CSMD1: variants seen among roughly 807,000 people sequenced by gnomAD.
CSMD1 encodes the protein CUB and sushi domain-containing protein 1.
CSMD1 carries 213 observed loss-of-function variants against 417.5 expected under a neutral mutation model. That is an observed-to-expected ratio of 0.51 (90% CI 0.46 to 0.57). CSMD1 has a LOEUF of 0.57. Among genes scored for constraint, CSMD1 ranks in the 20% least tolerant of loss-of-function variants. The probability of loss-of-function intolerance (pLI) is 0.00; values close to 1 mark genes in which losing one functional copy is unlikely to be tolerated. For synonymous variants in CSMD1, 2,862 were observed against 1,736.8 expected (o/e 1.65, Z -16.11); for missense variants, 6,923 against 4,529.7 (o/e 1.53, Z -15.17).
intron 5 of CSMD1, among the ~76,000 whole-genome samples, chr8:3,833,125 T>C (rs1445316185): frequency 1.3e-5 from 2 of 152,280 alleles, no homozygotes; most frequent in Admixed American, 1.3e-4. Context: ...ACAGGGAGCA[T>C]GTCAAACGAT....
chr8:4,340,333 G>C (rs765288808), intron 3 of CSMD1, among the ~76,000 whole-genome samples: 93 of 152,108 alleles, frequency 6.1e-4, no homozygotes, highest in Non-Finnish European at 1.1e-3. Context: ...CATTGGCTGG[G>C]ATGAGGTTTG....
intron 1 of CSMD1, among the ~76,000 whole-genome samples, chr8:4,901,599 C>A (rs755802274): frequency 6.6e-6 from 1 of 152,166 alleles, no homozygotes; most frequent in Non-Finnish European, 1.5e-5. Flanking sequence ...CCGGACACTT[C>A]TATTAGCCTT....
chr8:3,989,569 C>G (rs971887717), intron 5 of CSMD1, among the ~76,000 whole-genome samples: 1 of 152,112 alleles, frequency 6.6e-6, no homozygotes, highest in Admixed American at 6.5e-5. Context: ...TTTCCCCAAA[C>G]AAGAAAGGGA....
chr8:3,609,746 A>G (rs1157447033), intron 8 of CSMD1, among the ~76,000 whole-genome samples: 1 of 151,682 alleles, frequency 6.6e-6, no homozygotes, highest in Non-Finnish European at 1.5e-5. Flanking sequence ...TTTAAAAAAA[A>G]AAAAACCGAA....
intron 3 of CSMD1, among the ~76,000 whole-genome samples, chr8:4,219,220 C>T (rs1256974135): frequency 1.3e-5 from 2 of 152,130 alleles, no homozygotes; most frequent in South Asian, 4.1e-4. Context: ...ATTTTTTCAC[C>T]CTCTTTTACC....
intron 21 of CSMD1, among the ~76,000 whole-genome samples, chr8:3,349,931 T>C (rs1002634063): frequency 1.4e-5 from 2 of 144,886 alleles, no homozygotes; most frequent in African/African-American, 5.0e-5. Context: ...TTATATTATA[T>C]ATAATATATA....
intron 5 of CSMD1, among the ~76,000 whole-genome samples, chr8:3,929,846 G>C (rs1323141492): frequency 6.7e-6 from 1 of 149,574 alleles, no homozygotes; most frequent in Non-Finnish European, 1.5e-5. Flanking sequence ...GTTTTTAGTA[G>C]AGACGCGGTT....
intron 1 of CSMD1, among the ~76,000 whole-genome samples, chr8:4,744,850 A>G (rs2117021644): frequency 6.6e-6 from 1 of 152,322 alleles, no homozygotes. Flanking sequence ...TTTCTAATTT[A>G]GTAGTCTCAG....
chr8:3,194,245 AAAG>A (rs2129052158), intron 33 of CSMD1, among the ~76,000 whole-genome samples: 1 of 152,238 alleles, frequency 6.6e-6, no homozygotes, highest in South Asian at 2.1e-4. Context: ...TGCCCTCTAA[AAAG>A]AAGAAGAAAC....
intron 6 of CSMD1, among the ~76,000 whole-genome samples, chr8:3,711,989 C>A (rs926755608): frequency 6.6e-6 from 1 of 152,194 alleles, no homozygotes; most frequent in African/African-American, 2.4e-5. Flanking sequence ...CAGGACCTAT[C>A]TGAAAGCTGG....
intron 3 of CSMD1, among the ~76,000 whole-genome samples, chr8:4,286,285 C>G (rs1218989009): frequency 6.6e-6 from 1 of 152,104 alleles, no homozygotes; most frequent in Non-Finnish European, 1.5e-5. Context: ...CTACTTAGTG[C>G]TATCTGTCCT....
intron 23 of CSMD1, among the ~76,000 whole-genome samples, chr8:3,325,607 T>C (rs1430504067): frequency 6.6e-6 from 1 of 152,206 alleles, no homozygotes; most frequent in Non-Finnish European, 1.5e-5. Flanking sequence ...GCAAATGGCC[T>C]GAGGTCAGGA....
rs116863255 is a variant in CSMD1, at chr8:3,902,385, T to C, written c.818+95518A>G. Among the ~76,000 whole-genome samples the C allele has an allele frequency of 1.2e-4, 19 of 152,248 alleles. No homozygotes were observed. The East Asian group carries it at 2.3e-3, about 19-fold the overall frequency. ...ACAAAAACATGTGATCTGAGGCAAA[T>C]TGTTGGATCTTCCTAAGGCAGCAGT... On this transcript the variant is annotated intron_variant, in intron 5 of 69. Transcript: ENST00000635120.
chr8:3,003,783 G>C (rs1044863981), intron 52 of CSMD1, among the ~76,000 whole-genome samples: 3 of 152,166 alleles, frequency 2.0e-5, no homozygotes, highest in Non-Finnish European at 4.4e-5. Flanking sequence ...TGGTGAAAGA[G>C]GTGGCATTTA....
Position 4,107,441 on chromosome 8 carries a change from G to A in CSMD1, c.416-75342C>T, listed in dbSNP as rs554197606. ...TCTTGATACACATCACATTGGTACG[G>A]ATTTGTTTAAAGCACTGGATAATGA... On this transcript the variant is annotated intron_variant, in intron 3 of 69. Transcript: ENST00000635120. Among the ~76,000 whole-genome samples the A allele has an allele frequency of 4.6e-5, 7 of 152,312 alleles. No homozygotes were observed. The East Asian group carries it at 7.7e-4, about 17-fold the overall frequency.
intron 1 of CSMD1, among the ~76,000 whole-genome samples, chr8:4,724,331 T>C (rs905760117): frequency 2.0e-5 from 3 of 152,250 alleles, no homozygotes; most frequent in Non-Finnish European, 2.9e-5. Context: ...ACTGATTATA[T>C]GAAGAGCTAA....
chr8:4,553,659 T>C (rs923526157), intron 2 of CSMD1, among the ~76,000 whole-genome samples: 8 of 152,206 alleles, frequency 5.3e-5, no homozygotes, highest in Admixed American at 4.6e-4. Context: ...AGTGAGATCA[T>C]AACTATCTTC....
chr8:4,163,838 T>C (rs1292185781), intron 3 of CSMD1, among the ~76,000 whole-genome samples: 2 of 152,182 alleles, frequency 1.3e-5, no homozygotes, highest in African/African-American at 4.8e-5. Context: ...TCATCATTAA[T>C]TCAAAAATTA....
intron 1 of CSMD1, among the ~76,000 whole-genome samples, chr8:4,992,338 G>C (rs529677996): frequency 6.6e-6 from 1 of 152,222 alleles, no homozygotes; most frequent in African/African-American, 2.4e-5. Flanking sequence ...GGGCCGCCGC[G>C]GTCTCCACGC....
Sources: gnomAD v4.1 joint callset for allele counts (sites outside exome capture counted in the v4.1 genomes callset) on GRCh38, gnomAD v4.1.1 for gene constraint, MANE v1.5 for transcripts, NCBI Gene and HGNC (gene_info 2026-07-23, HGNC 2026-07-21) for gene names.